FNDC3A: variants seen among roughly 807,000 people sequenced by gnomAD.
The protein encoded by FNDC3A is fibronectin type III domain containing 3A.
FNDC3A carries 32 observed loss-of-function variants against 148.9 expected under a neutral mutation model. The observed-to-expected ratio is 0.21, with a 90% CI of 0.16 to 0.29. FNDC3A has a LOEUF of 0.29. Ranked by LOEUF, FNDC3A falls within the 10% of genes least tolerant of loss-of-function variation. The pLI is 1.00. For missense variants in FNDC3A, 1,191 were observed against 1,452.8 expected (o/e 0.82, Z 2.93); for synonymous variants, 472 against 473.6 (o/e 1.00, Z 0.04).
chr13:49,074,073 A>C (rs1386063840), intron 2 of FNDC3A, among the ~76,000 whole-genome samples: 1 of 152,036 alleles, frequency 6.6e-6, no homozygotes, highest in Non-Finnish European at 1.5e-5. Context: ...GTAGTATTAT[A>C]AAACCCTTTC....
chr13:49,201,784 G>A lies in FNDC3A; in HGVS notation c.2988-16G>A, dbSNP rs1198366682. The A allele has an allele frequency of 2.2e-6, 3 of 1,357,666 alleles. No homozygotes were observed. Among genetic ancestry groups the A allele is most frequent in the Non-Finnish European group, 3.0e-6 (3 of 1,011,228 alleles). 84.1% of individuals were successfully genotyped at this position (1,357,666 alleles called of 1,614,324 possible). A position where few individuals can be genotyped will look rare whatever the true frequency, so the allele number is the denominator to read the frequency against. ...AAGGTAGTATAAGGTTTATCTAATA[G>A]TTATTTCCATTTTAGGTTTGTATCC... On this transcript the variant is annotated splice_polypyrimidine_tract_variant and intron_variant, in intron 23 of 25. Coordinates refer to ENST00000492622, the MANE Select transcript of FNDC3A (RefSeq NM_001079673.2).
At chr13:49,015,805 A>G (rs1252208236) in intron 2 of FNDC3A, among the ~76,000 whole-genome samples, 1 of 151,894 alleles carries the variant, frequency 6.6e-6, no homozygotes, top group Non-Finnish European at 1.5e-5. Flanking sequence ...GAGAGTTTTT[A>G]GCATGAAGCG....
chr13:49,184,740 A>G (rs1184603715), intron 14 of FNDC3A, among the ~76,000 whole-genome samples: 1 of 152,202 alleles, frequency 6.6e-6, no homozygotes, highest in East Asian at 1.9e-4. Context: ...GAAGGAACTT[A>G]CAGGTAGGTG....
intron 1 of FNDC3A, among the ~76,000 whole-genome samples, chr13:48,980,337 C>T (rs1951673508): frequency 6.6e-6 from 1 of 152,078 alleles, no homozygotes; most frequent in African/African-American, 2.4e-5. Context: ...CTGTAAGTGA[C>T]AACAGAGGAG....
At chr13:49,151,216 G>C (rs554053537) in intron 8 of FNDC3A, among the ~76,000 whole-genome samples, 1 of 152,252 alleles carries the variant, frequency 6.6e-6, no homozygotes, top group African/African-American at 2.4e-5. Flanking sequence ...ATTGGAGTCT[G>C]TCTCTCCCTT....
At chr13:49,110,480 C>A in intron 3 of FNDC3A, 1 of 1,025,220 alleles carries the variant, frequency 9.8e-7, no homozygotes, top group Non-Finnish European at 1.5e-6. Context: ...AAAGTCATGC[C>A]GTGTGTTTTT....
intron 1 of FNDC3A, among the ~76,000 whole-genome samples, chr13:49,002,611 T>C (rs549631955): frequency 6.6e-6 from 1 of 152,306 alleles, no homozygotes; most frequent in South Asian, 2.1e-4. Context: ...TTCCATCCTT[T>C]CTTCCTTGTC....
intron 1 of FNDC3A, among the ~76,000 whole-genome samples, chr13:48,987,183 G>A (rs1235463927): frequency 1.3e-5 from 2 of 152,200 alleles, no homozygotes; most frequent in African/African-American, 4.8e-5. Flanking sequence ...GATTGTCCCA[G>A]GTGTAGTTGC....
intron 2 of FNDC3A, among the ~76,000 whole-genome samples, chr13:49,033,108 A>G (rs536265894): frequency 4.6e-4 from 70 of 152,264 alleles, no homozygotes; most frequent in African/African-American, 1.3e-3. Flanking sequence ...TCTTTTATAT[A>G]TACATATATA....
chr13:49,201,167 C>T (rs529416061), intron 23 of FNDC3A: 228 of 302,942 alleles, frequency 7.5e-4, no homozygotes, highest in Non-Finnish European at 1.3e-3. Context: ...ATGCATTCAA[C>T]TTATAGATAA....
chr13:49,077,088 G>A (rs1160462979), intron 3 of FNDC3A, among the ~76,000 whole-genome samples: 1 of 152,152 alleles, frequency 6.6e-6, no homozygotes, highest in Admixed American at 6.6e-5. Flanking sequence ...GACCAGCCTG[G>A]GCAGCATAAC....
In FNDC3A at chr13:49,174,450, G is replaced by A. The variant is rs755217540; in HGVS notation, c.1246G>A (p.Glu416Lys). 1 of 1,611,148 alleles carries A rather than the reference G, an allele frequency of 6.2e-7. No homozygotes were observed. The highest frequency in any genetic ancestry group is 8.5e-7 in the Non-Finnish European group (1 of 1,177,614). The change falls in exon 12 of 26, where the codon GAA becomes AAA. Residue 416 changes from glutamate to lysine, a missense_variant. Glu to Lys is a moderately conservative substitution (Grantham distance 56). This residue lies in a region of FNDC3A where 14 missense variants were observed against 35.5 expected (regional missense o/e 0.39). Coordinates refer to ENST00000492622, the MANE Select transcript of FNDC3A (RefSeq NM_001079673.2). The stretch of plus-strand genomic sequence containing the variant: ...TTTCTTGTAGGGAAAAGGAAATGGA[G>A]AATTTTGTCAGTGTTACATGGGCTC... The part of the protein sequence containing the change: ...LEWDEGKGNG[E>K]FCQCYMGSQK...
At chr13:49,075,632 G>A (rs1457821271) in intron 3 of FNDC3A, among the ~76,000 whole-genome samples, 2 of 152,084 alleles carry the variant, frequency 1.3e-5, no homozygotes, top group Non-Finnish European at 2.9e-5. Flanking sequence ...ATCTAGTCCA[G>A]GTGTCTTAGT....
intron 2 of FNDC3A, among the ~76,000 whole-genome samples, chr13:49,059,667 G>A (rs1398049870): frequency 6.6e-6 from 1 of 152,062 alleles, no homozygotes; most frequent in East Asian, 1.9e-4. Context: ...TGTTAGCCAG[G>A]CTGGTCTCAA....
At chr13:49,057,967 C>T (rs945602873) in intron 2 of FNDC3A, among the ~76,000 whole-genome samples, 1 of 152,014 alleles carries the variant, frequency 6.6e-6, no homozygotes, top group Non-Finnish European at 1.5e-5. Context: ...AGTCCTAACC[C>T]CTAGTACCTC....
chr13:49,048,730 G>T (rs984889863), intron 2 of FNDC3A, among the ~76,000 whole-genome samples: 15 of 152,184 alleles, frequency 9.9e-5, no homozygotes, highest in African/African-American at 3.6e-4. Context: ...AGTCATTAGG[G>T]TTTTCTAGGT....
At chr13:49,195,285 T>C (rs1886092531) in intron 19 of FNDC3A, among the ~76,000 whole-genome samples, 1 of 152,150 alleles carries the variant, frequency 6.6e-6, no homozygotes, top group Non-Finnish European at 1.5e-5. Flanking sequence ...GTAGCCTTGA[T>C]TTTTTACTTT....
At chr13:49,205,947 T>A (rs919264976) in intron 25 of FNDC3A, among the ~76,000 whole-genome samples, 1 of 152,186 alleles carries the variant, frequency 6.6e-6, no homozygotes, top group East Asian at 1.9e-4. Context: ...AAATTTAGAT[T>A]TACATCACAG....
intron 9 of FNDC3A, among the ~76,000 whole-genome samples, chr13:49,168,140 G>A (rs1445611388): frequency 6.6e-6 from 1 of 152,122 alleles, no homozygotes; most frequent in African/African-American, 2.4e-5. Flanking sequence ...TTTAAAAAGA[G>A]CACATGTGGT....
Sources: gnomAD v4.1 joint callset for allele counts (sites outside exome capture counted in the v4.1 genomes callset) on GRCh38, gnomAD v4.1.1 for gene constraint, gnomAD v4.1.1 regional missense constraint, MANE v1.5 for transcripts, NCBI Gene and HGNC (gene_info 2026-07-23, HGNC 2026-07-21) for gene names.